RBFOX1: variants seen among roughly 807,000 people sequenced by gnomAD.
RBFOX1 encodes the protein RNA binding fox-1 homolog 1.
In RBFOX1, 8 loss-of-function variants were observed where a neutral mutation model predicts 57.7. That is an observed-to-expected ratio of 0.14 (90% CI 0.08 to 0.25). The LOEUF (loss-of-function observed/expected upper bound fraction) is 0.25. Ranked by LOEUF, RBFOX1 falls within the 10% of genes least tolerant of loss-of-function variation. The pLI is 1.00. For synonymous variants in RBFOX1, 326 were observed against 222.4 expected (o/e 1.47, Z -4.15); for missense variants, 611 against 548.5 (o/e 1.11, Z -1.14).
At chr16:5,243,597 A>G (rs559751669) in intron 1 of RBFOX1, among the ~76,000 whole-genome samples, 24 of 152,256 alleles carry the variant, frequency 1.6e-4, no homozygotes, top group African/African-American at 5.3e-4. Context: ...TGGCTACCCC[A>G]GATGTCTCCA....
Position 6,983,860 on chromosome 16 carries a change from A to C in RBFOX1, c.-15-68197A>C, listed in dbSNP as rs999047050. ...GCTGGGAGGCCCATGCATGCAGCCA[A>C]GTGGAGAGAGTGCTCTTGGACAAGG... On this transcript the variant is annotated intron_variant, in intron 3 of 15. Coordinates refer to ENST00000550418, the MANE Select transcript of RBFOX1 (RefSeq NM_018723.4). 5 of 152,418 alleles carry C rather than the reference A, an allele frequency of 3.3e-5. No individual in the cohort carries two copies. In the East Asian group the frequency reaches 9.7e-4, roughly 29 times the overall value. The allele number at this position is 152,418 out of a possible 1,614,324, so 9.4% of individuals were successfully genotyped here.
At chr16:6,804,879 T>C (rs574924055) in intron 3 of RBFOX1, among the ~76,000 whole-genome samples, 1 of 152,280 alleles carries the variant, frequency 6.6e-6, no homozygotes, top group African/African-American at 2.4e-5. Context: ...AAAAAGGCCA[T>C]GTGTCCCAAA....
At chr16:5,319,847 G>A (rs930833793) in intron 1 of RBFOX1, among the ~76,000 whole-genome samples, 1 of 152,194 alleles carries the variant, frequency 6.6e-6, no homozygotes, top group Non-Finnish European at 1.5e-5. Context: ...ACTACATCAT[G>A]CTCTGGGTCC....
At chr16:6,008,731 A>G (rs915138050) in intron 4 of RBFOX1, among the ~76,000 whole-genome samples, 5 of 152,222 alleles carry the variant, frequency 3.3e-5, no homozygotes, top group Non-Finnish European at 7.3e-5. Context: ...CTTGGCACAA[A>G]GAAGTGTGTT....
intron 3 of RBFOX1, among the ~76,000 whole-genome samples, chr16:5,651,135 C>A (rs983043965): frequency 7.1e-6 from 1 of 141,620 alleles, no homozygotes; most frequent in Non-Finnish European, 1.5e-5. Flanking sequence ...TCACTGCAAC[C>A]TCTGCCTCCT....
At chr16:6,842,286 AAAC>A (rs994395418) in intron 3 of RBFOX1, among the ~76,000 whole-genome samples, 4 of 151,388 alleles carry the variant, frequency 2.6e-5, no homozygotes, top group African/African-American at 4.8e-5. Flanking sequence ...AAGGAAATAA[AAAC>A]AACTTTCTTA....
At chr16:5,545,947 T>C (rs1224444294) in intron 2 of RBFOX1, among the ~76,000 whole-genome samples, 1 of 152,130 alleles carries the variant, frequency 6.6e-6, no homozygotes, top group Admixed American at 6.5e-5. Context: ...AAACTTTTTT[T>C]TTGCTGAACA....
intron 3 of RBFOX1, among the ~76,000 whole-genome samples, chr16:6,811,102 A>G (rs1326672876): frequency 6.6e-6 from 1 of 152,220 alleles, no homozygotes; most frequent in Non-Finnish European, 1.5e-5. Flanking sequence ...TGGCTGAGAT[A>G]CCTTGATAGA....
At chr16:5,923,218 G>C (rs1208159963) in intron 4 of RBFOX1, among the ~76,000 whole-genome samples, 1 of 152,174 alleles carries the variant, frequency 6.6e-6, no homozygotes, top group African/African-American at 2.4e-5. Flanking sequence ...CCAGGGAAGA[G>C]ATTTACAATT....
At chr16:7,248,071 G>C (rs975571530) in intron 4 of RBFOX1, among the ~76,000 whole-genome samples, 2 of 152,192 alleles carry the variant, frequency 1.3e-5, no homozygotes, top group African/African-American at 2.4e-5. Context: ...ATAGAATATG[G>C]TTCTGGAAGG....
At chr16:7,411,172 T>C (rs1266249356) in intron 4 of RBFOX1, among the ~76,000 whole-genome samples, 1 of 152,060 alleles carries the variant, frequency 6.6e-6, no homozygotes, top group Non-Finnish European at 1.5e-5. Flanking sequence ...TCTTGAACTC[T>C]TGACCTCAGG....
intron 4 of RBFOX1, among the ~76,000 whole-genome samples, chr16:7,279,499 G>A (rs1373478715): frequency 1.3e-5 from 2 of 152,176 alleles, no homozygotes; most frequent in African/African-American, 2.4e-5. Flanking sequence ...GGTTGCAGTG[G>A]CCACGGAAAC....
intron 3 of RBFOX1, among the ~76,000 whole-genome samples, chr16:6,858,839 A>C (rs1002714112): frequency 6.6e-6 from 1 of 152,042 alleles, no homozygotes; most frequent in African/African-American, 2.4e-5. Context: ...ATAATCTTCA[A>C]TTCAACATGC....
At chr16:7,163,868 C>T (rs1331791373) in intron 4 of RBFOX1, among the ~76,000 whole-genome samples, 2 of 152,088 alleles carry the variant, frequency 1.3e-5, no homozygotes, top group Non-Finnish European at 2.9e-5. Flanking sequence ...CCATGTTGGC[C>T]AGGCTGGTAT....
intron 11 of RBFOX1, among the ~76,000 whole-genome samples, chr16:7,649,406 A>T (rs2064462008): frequency 6.6e-6 from 1 of 152,228 alleles, no homozygotes. Flanking sequence ...AAACATAATC[A>T]ATCTGTTTCC....
intron 1 of RBFOX1, among the ~76,000 whole-genome samples, chr16:5,413,101 C>T (rs1265792775): frequency 2.0e-5 from 3 of 152,142 alleles, no homozygotes; most frequent in South Asian, 2.1e-4. Context: ...TTTCCCATCA[C>T]GATGCTTACG....
rs61209958 is a variant in RBFOX1, at chr16:6,134,683, A to ATTTTTTTTTTTTT, written c.-127+114703_-127+114704insTTTTTTTTTTTTT. Among the ~76,000 whole-genome samples the ATTTTTTTTTTTTT allele has an allele frequency of 7.0e-5, 10 of 143,524 alleles. No individual in the cohort carries two copies. In the East Asian group the frequency reaches 1.0e-3, roughly 15 times the overall value. 94.2% of individuals were successfully genotyped at this position (143,524 alleles called of 152,430 possible). ...CAATCTTTGTGCTTGAACTCAGAGT[A>ATTTTTTTTTTTTT]TTTTTTTTTTTTGAAATGGAGTCTC... On this transcript the variant is annotated intron_variant, in intron 1 of 15. Coordinates refer to ENST00000550418, the MANE Select transcript of RBFOX1 (RefSeq NM_018723.4).
chr16:6,824,467 T>C (rs8049001), intron 3 of RBFOX1, among the ~76,000 whole-genome samples: 59,836 of 152,092 alleles, frequency 0.39, 12,826 homozygotes, highest in Non-Finnish European at 0.49. Context: ...TTGCTTTAAA[T>C]AGAAAATGGT....
intron 1 of RBFOX1, among the ~76,000 whole-genome samples, chr16:5,318,632 C>G (rs957475596): frequency 2.0e-5 from 3 of 152,166 alleles, no homozygotes; most frequent in Non-Finnish European, 4.4e-5. Flanking sequence ...CATATGGAGC[C>G]CAGGGTTCCT....
Sources: gnomAD v4.1 joint callset for allele counts (sites outside exome capture counted in the v4.1 genomes callset) on GRCh38, gnomAD v4.1.1 for gene constraint, MANE v1.5 for transcripts, NCBI Gene and HGNC (gene_info 2026-07-23, HGNC 2026-07-21) for gene names.